Variants in GRK3 observed in about 807,000 individuals in gnomAD.
GRK3 encodes the protein adrenergic, beta, receptor kinase 2.
GRK3 carries 54 observed loss-of-function variants against 95.7 expected under a neutral mutation model. The observed-to-expected ratio is 0.56, with a 90% CI of 0.45 to 0.71. GRK3 has a LOEUF of 0.71. GRK3 is among the 30% of genes least tolerant of loss of function. GRK3 has a pLI of 0.00. For synonymous variants in GRK3, 281 were observed against 290.8 expected, an observed-to-expected ratio of 0.97 and a Z score of 0.34; for missense variants, 649 against 851.2, an observed-to-expected ratio of 0.76 and a Z score of 2.96.
intron 3 of GRK3, among the ~76,000 whole-genome samples, chr22:25,659,653 T>A (rs1265926774): frequency 6.6e-6 from 1 of 152,188 alleles, no homozygotes; most frequent in Non-Finnish European, 1.5e-5. Context: ...CAATAGGATG[T>A]TTGTTTAGAG....
At chr22:25,686,666 C>T (rs926124097) in intron 10 of GRK3, among the ~76,000 whole-genome samples, 2 of 152,136 alleles carry the variant, frequency 1.3e-5, no homozygotes, top group Admixed American at 6.5e-5. Context: ...TAATTTGAGG[C>T]CATCTGATAA....
chr22:25,666,286 A>G (rs1345473588), intron 5 of GRK3, among the ~76,000 whole-genome samples: 2 of 152,254 alleles, frequency 1.3e-5, no homozygotes, highest in Non-Finnish European at 2.9e-5. Context: ...TATAAATAGA[A>G]AAATCTGTGA....
At chr22:25,611,986 C>A (rs2084501273) in intron 2 of GRK3, among the ~76,000 whole-genome samples, 1 of 151,940 alleles carries the variant, frequency 6.6e-6, no homozygotes, top group Non-Finnish European at 1.5e-5. Flanking sequence ...GAGCACACCA[C>A]CACACCCAGC....
At chr22:25,689,660 C>G (rs2085149724) in intron 11 of GRK3, among the ~76,000 whole-genome samples, 1 of 152,128 alleles carries the variant, frequency 6.6e-6, no homozygotes, top group South Asian at 2.1e-4. Context: ...TAATGATGTA[C>G]TAATAAGCAG....
intron 9 of GRK3, among the ~76,000 whole-genome samples, chr22:25,681,701 A>G (rs371938610): frequency 6.6e-6 from 1 of 152,208 alleles, no homozygotes; most frequent in African/African-American, 2.4e-5. Flanking sequence ...TTTCTTCAAC[A>G]ACGACTTCAT....
intron 3 of GRK3, among the ~76,000 whole-genome samples, chr22:25,659,043 T>G (rs1569182828): frequency 6.6e-6 from 1 of 152,038 alleles, no homozygotes; most frequent in Non-Finnish European, 1.5e-5. Context: ...AGAATATAAT[T>G]GATATTTGAA....
At chr22:25,585,311 G>A (rs972131079) in intron 1 of GRK3, among the ~76,000 whole-genome samples, 1 of 152,280 alleles carries the variant, frequency 6.6e-6, no homozygotes, top group African/African-American at 2.4e-5. Flanking sequence ...TAGAGGTTGG[G>A]AAATGTGATG....
chr22:25,623,017 C>G (rs1402954502), intron 2 of GRK3, among the ~76,000 whole-genome samples: 1 of 152,202 alleles, frequency 6.6e-6, no homozygotes, highest in Non-Finnish European at 1.5e-5. Flanking sequence ...TCTTGGCTCA[C>G]TGCAACCTTT....
chr22:25,596,409 A>C (rs376854778), intron 1 of GRK3, among the ~76,000 whole-genome samples: 66 of 152,368 alleles, frequency 4.3e-4, no homozygotes, highest in African/African-American at 1.6e-3. Flanking sequence ...ACAATATGAA[A>C]AGTGAGAGAT....
Position 25,701,081 on chromosome 22 carries a change from A to G in GRK3, c.1161-2429A>G, listed in dbSNP as rs868185416. Among the ~76,000 whole-genome samples, 6 of 152,332 alleles carry G rather than the reference A, an allele frequency of 3.9e-5. No homozygotes were observed. The South Asian group carries it at 8.3e-4, about 21-fold the overall frequency. On this transcript the variant is annotated intron_variant, in intron 13 of 20. Coordinates refer to ENST00000324198, the MANE Select transcript of GRK3 (RefSeq NM_005160.4). Reference sequence around the variant, plus strand: ...AGCTGTTCCATTCTATCTGTAGTTCAGAAAGCTGCACTTGACCACAGGACA... The same window carrying G: ...AGCTGTTCCATTCTATCTGTAGTTCGGAAAGCTGCACTTGACCACAGGACA...
At chr22:25,693,381 A>G (rs987297256) in intron 12 of GRK3, among the ~76,000 whole-genome samples, 3 of 152,180 alleles carry the variant, frequency 2.0e-5, no homozygotes, top group Admixed American at 6.5e-5. Flanking sequence ...TATCCTGTAG[A>G]TATCTATTGT....
At chr22:25,636,629 T>C (rs2084703501) in intron 2 of GRK3, among the ~76,000 whole-genome samples, 1 of 152,222 alleles carries the variant, frequency 6.6e-6, no homozygotes, top group South Asian at 2.1e-4. Context: ...ATAAATGTAT[T>C]GACCCACATA....
At chr22:25,666,308 A>G (rs1415247083) in intron 5 of GRK3, among the ~76,000 whole-genome samples, 1 of 152,230 alleles carries the variant, frequency 6.6e-6, no homozygotes, top group Non-Finnish European at 1.5e-5. Context: ...CTATAAATGT[A>G]GCCTTTTCTT....
At chr22:25,659,226 G>A (rs2084893989) in intron 3 of GRK3, among the ~76,000 whole-genome samples, 2 of 152,166 alleles carry the variant, frequency 1.3e-5, no homozygotes, top group Admixed American at 1.3e-4. Flanking sequence ...AGTCAGAGAA[G>A]AATATTTCAA....
chr22:25,690,393 G>A (rs2085156177), intron 12 of GRK3, 110 bp downstream of exon 12: 1 of 768,952 alleles, frequency 1.3e-6, no homozygotes, highest in Admixed American at 2.3e-5. Context: ...AATATGTCAG[G>A]AAGATCCAAC....
At chr22:25,638,855 G>C (rs948767499) in intron 2 of GRK3, among the ~76,000 whole-genome samples, 1 of 152,138 alleles carries the variant, frequency 6.6e-6, no homozygotes, top group Non-Finnish European at 1.5e-5. Context: ...TGGCAGTTGG[G>C]GTTGTCAATA....
At chr22:25,654,055 C>T (rs1223102410) in intron 3 of GRK3, among the ~76,000 whole-genome samples, 1 of 152,180 alleles carries the variant, frequency 6.6e-6, no homozygotes, top group Non-Finnish European at 1.5e-5. Context: ...GAAGCTTCTA[C>T]AAATTTCATG....
intron 1 of GRK3, among the ~76,000 whole-genome samples, chr22:25,603,413 T>C (rs2084422652): frequency 6.6e-6 from 1 of 152,238 alleles, no homozygotes; most frequent in South Asian, 2.1e-4. Flanking sequence ...TTCCCCATTT[T>C]TCTGACTTGC....
chr22:25,644,550 A>G (rs1212156464), intron 2 of GRK3, 42 bp from the exon 3 acceptor site: 7 of 1,003,522 alleles, frequency 7.0e-6, no homozygotes, highest in Admixed American at 2.2e-5. Context: ...ATAAAATTTC[A>G]ATTAATTGCC....
Sources: allele counts gnomAD v4.1 joint callset (sites outside exome capture counted in the v4.1 genomes callset), GRCh38; gene constraint gnomAD v4.1.1; transcripts MANE v1.5; gene names NCBI Gene and HGNC (gene_info 2026-07-23, HGNC 2026-07-21).